ASCC3: variants seen among roughly 807,000 people sequenced by gnomAD.
The protein encoded by ASCC3 is activating signal cointegrator 1 complex subunit 3.
Under a neutral mutation model 256.3 loss-of-function variants are expected in ASCC3, and 158 were observed. The observed-to-expected ratio is 0.62, with a 90% CI of 0.54 to 0.70. ASCC3 has a LOEUF of 0.70. ASCC3 is among the 30% of genes least tolerant of loss of function. ASCC3 has a pLI of 0.00. For missense variants in ASCC3, 2,259 were observed against 2,626.0 expected (o/e 0.86, Z 3.05); for synonymous variants, 948 against 883.4 (o/e 1.07, Z -1.30).
intron 34 of ASCC3, among the ~76,000 whole-genome samples, chr6:100,591,403 G>C (rs108422): frequency 0.59 from 89,422 of 151,718 alleles, 26,888 homozygotes; most frequent in East Asian, 0.73. Flanking sequence ...TCATTGTTTT[G>C]CAAGAAATGA....
intron 16 of ASCC3, among the ~76,000 whole-genome samples, chr6:100,660,441 A>C (rs935967392): frequency 2.6e-5 from 4 of 151,712 alleles, no homozygotes; most frequent in Non-Finnish European, 4.4e-5. Flanking sequence ...TTAACCCAAC[A>C]CGTAGTTATT....
intron 30 of ASCC3, among the ~76,000 whole-genome samples, chr6:100,619,223 A>G (rs1296145164): frequency 6.6e-6 from 1 of 152,192 alleles, no homozygotes; most frequent in Admixed American, 6.5e-5. Flanking sequence ...TCTCTTCCCT[A>G]TAACTCTAGC....
chr6:100,598,780 T>C (rs966845263), intron 34 of ASCC3, among the ~76,000 whole-genome samples: 6 of 152,206 alleles, frequency 3.9e-5, no homozygotes, highest in Admixed American at 6.5e-5. Flanking sequence ...TACTGCATTC[T>C]GTGTCTGCTA....
At chr6:100,629,533 A>T (rs529094315) in intron 26 of ASCC3, among the ~76,000 whole-genome samples, 1 of 152,122 alleles carries the variant, frequency 6.6e-6, no homozygotes, top group African/African-American at 2.4e-5. Flanking sequence ...TTGGAATAAA[A>T]TTTTTTTTAA....
intron 8 of ASCC3, among the ~76,000 whole-genome samples, chr6:100,777,612 G>T (rs1782252963): frequency 6.6e-6 from 1 of 152,138 alleles, no homozygotes; most frequent in African/African-American, 2.4e-5. Flanking sequence ...CCTCAAGAGA[G>T]GTGATCTGAG....
In ASCC3 at chr6:100,767,456, G is replaced by A; in HGVS notation, c.1396-111C>T. On this transcript the variant is annotated intron_variant, in intron 8 of 41. Transcript: ENST00000369162. Reference sequence around the variant, plus strand: ...TGTTTTTTAAAAAAAAGACTAATTTGTACTTTCACAATGTGTCTTTTATTT... The same window carrying A: ...TGTTTTTTAAAAAAAAGACTAATTTATACTTTCACAATGTGTCTTTTATTT... The A allele has an allele frequency of 2.7e-6, 3 of 1,112,708 alleles. No homozygotes were observed. In the South Asian group the frequency reaches 4.0e-5, roughly 15 times the overall value. The allele number at this position is 1,112,708 out of a possible 1,614,324, so 68.9% of individuals were successfully genotyped here.
rs181222917 is a variant in ASCC3 at position 100,713,087 on chromosome 6, G to A, written c.2151+2375C>T. 1.4e-3 allele frequency among the ~76,000 whole-genome samples: 220 copies of A among 152,068 alleles called. 1 individual carries two copies. Among genetic ancestry groups the A allele is most frequent in the Non-Finnish European group, 2.5e-3 (171 of 67,978 alleles). On this transcript the variant is annotated intron_variant, in intron 13 of 41. Transcript: ENST00000369162. ...TATACTCTTTATTATTTACTCAAACGAGTTGATAACTTACGTCCGGACAAA... is the reference window on the plus strand; with the variant it reads ...TATACTCTTTATTATTTACTCAAACAAGTTGATAACTTACGTCCGGACAAA...
intron 14 of ASCC3, among the ~76,000 whole-genome samples, chr6:100,678,899 C>T (rs758905553): frequency 2.6e-5 from 4 of 152,100 alleles, no homozygotes; most frequent in Admixed American, 6.5e-5. Context: ...CTTTGGCCTT[C>T]GGGCCATAAT....
chr6:100,671,307 T>C (rs564023594), intron 14 of ASCC3, among the ~76,000 whole-genome samples: 2 of 152,200 alleles, frequency 1.3e-5, no homozygotes, highest in East Asian at 3.9e-4. Context: ...CTGCTTTTTC[T>C]ACTCGGTTCT....
At chr6:100,849,897 C>G (rs1057128149) in intron 3 of ASCC3, among the ~76,000 whole-genome samples, 1 of 151,772 alleles carries the variant, frequency 6.6e-6, no homozygotes, top group Non-Finnish European at 1.5e-5. Flanking sequence ...GTCAGCAGTT[C>G]GAGAACAGCC....
intron 10 of ASCC3, among the ~76,000 whole-genome samples, chr6:100,750,965 C>A (rs1780908624): frequency 6.6e-6 from 1 of 152,028 alleles, no homozygotes; most frequent in African/African-American, 2.4e-5. Context: ...AGCAATGAAT[C>A]ACTACAACAT....
intron 36 of ASCC3, among the ~76,000 whole-genome samples, chr6:100,548,022 G>A (rs541188314): frequency 6.6e-6 from 1 of 150,976 alleles, no homozygotes; most frequent in African/African-American, 2.4e-5. Context: ...TAATTATGTT[G>A]AGTCAAAGAA....
chr6:100,621,764 T>C (rs1485701070), intron 30 of ASCC3, among the ~76,000 whole-genome samples: 1 of 152,146 alleles, frequency 6.6e-6, no homozygotes, highest in Non-Finnish European at 1.5e-5. Context: ...ATAGAAATCG[T>C]TCTATTATAA....
At chr6:100,625,394 A>T in intron 29 of ASCC3, 60 bp from the exon 30 acceptor site, 1 of 1,572,966 alleles carries the variant, frequency 6.4e-7, no homozygotes. Context: ...TATGAATTTC[A>T]TTAGGATATC....
At chr6:100,557,864 T>A (rs1000217114) in intron 36 of ASCC3, among the ~76,000 whole-genome samples, 1 of 151,844 alleles carries the variant, frequency 6.6e-6, no homozygotes, top group African/African-American at 2.4e-5. Context: ...GGATTATTTG[T>A]AACACATAAA....
At chr6:100,742,855 T>A (rs1429132410) in intron 10 of ASCC3, among the ~76,000 whole-genome samples, 1 of 152,158 alleles carries the variant, frequency 6.6e-6, no homozygotes, top group Non-Finnish European at 1.5e-5. Context: ...AGCCAGTGGA[T>A]CTTATCTTGT....
intron 13 of ASCC3, among the ~76,000 whole-genome samples, chr6:100,681,084 A>G (rs1777278696): frequency 6.6e-6 from 1 of 152,210 alleles, no homozygotes; most frequent in Admixed American, 6.5e-5. Context: ...TCTTATGTCT[A>G]TAAACTTGTC....
chr6:100,515,867 C>T (rs1773998571), intron 39 of ASCC3, among the ~76,000 whole-genome samples: 1 of 152,158 alleles, frequency 6.6e-6, no homozygotes, highest in Admixed American at 6.5e-5. Context: ...AGCATTTATA[C>T]TGAAACAACT....
chr6:100,689,847 T>C (rs972734863), intron 13 of ASCC3, among the ~76,000 whole-genome samples: 3 of 152,136 alleles, frequency 2.0e-5, no homozygotes, highest in Non-Finnish European at 4.4e-5. Context: ...AGTTTTTTGA[T>C]AGTGTTATAG....
Sources: gnomAD v4.1 joint callset for allele counts (sites outside exome capture counted in the v4.1 genomes callset) on GRCh38, gnomAD v4.1.1 for gene constraint, MANE v1.5 for transcripts, NCBI Gene and HGNC (gene_info 2026-07-23, HGNC 2026-07-21) for gene names.